Variants in EXPH5 observed in about 807,000 individuals in gnomAD.
EXPH5 encodes exophilin 5.
EXPH5 carries 42 observed loss-of-function variants against 41.1 expected under a neutral mutation model. The observed-to-expected ratio is 1.02, with a 90% CI of 0.80 to 1.32. EXPH5 has a LOEUF of 1.32. EXPH5 is among the 40% of genes most tolerant of loss of function. EXPH5 has a pLI of 0.00. For synonymous variants in EXPH5, 798 were observed against 833.5 expected (o/e 0.96, Z 0.73); for missense variants, 2,298 against 2,314.5 (o/e 0.99, Z 0.15).
chr11:108,598,020 TAAAC>T (rs1215084217), upstream of EXPH5, among the ~76,000 whole-genome samples: 3 of 152,110 alleles, frequency 2.0e-5, no homozygotes, highest in Non-Finnish European at 4.4e-5. Context: ...AATAAATAAA[TAAAC>T]AAATCAACAT....
At chr11:108,539,563 A>C (rs554163981) in intron 2 of EXPH5, among the ~76,000 whole-genome samples, 1 of 152,232 alleles carries the variant, frequency 6.6e-6, no homozygotes, top group South Asian at 2.1e-4. Context: ...TGATAGATAC[A>C]TACTACATAA....
rs145390721 is a variant in EXPH5 at position 108,509,638 on chromosome 11, T to A, written c.5869A>T (p.Asn1957Tyr). The A allele has an allele frequency of 3.1e-6, 5 of 1,613,646 alleles. No homozygotes were observed. In the African/African-American group the frequency reaches 6.7e-5, roughly 22 times the overall value. ...TCCACTGGGTCATCCTCATAGATAT[T>A]AAGCGGTTCACTTGGAGATAAGCCA... ...EDGLSPSEPL[N>Y]IYEDDPVDSD... Residue 1957 changes from asparagine (N) to tyrosine (Y), a missense_variant, in exon 6 of 6, where the codon AAT becomes TAT. Transcript: ENST00000265843.
Position 108,510,330 on chromosome 11 carries a change from A to G in EXPH5, c.5177T>C (p.Val1726Ala). 6.2e-7 allele frequency: 1 copy of G among 1,614,152 alleles called. No homozygotes were observed. Among genetic ancestry groups the G allele is most frequent in the East Asian group, 2.2e-5 (1 of 44,880 alleles). ...SKDVTAAQNL[V>A]RESGAPSPIT... ...GGGTGATGGGGCTCCTGATTCTCTTACTAAATTCTGAGCTGCTGTGACGTC... is the reference window on the plus strand; with the variant it reads ...GGGTGATGGGGCTCCTGATTCTCTTGCTAAATTCTGAGCTGCTGTGACGTC... Residue 1726 changes from valine to alanine, a missense_variant, in exon 6 of 6, where the codon GTA becomes GCA. By Grantham distance (64) the Val-to-Ala change is moderately conservative (BLOSUM62 0). Coordinates refer to ENST00000265843, the MANE Select transcript of EXPH5 (RefSeq NM_015065.3).
intron 3 of EXPH5, among the ~76,000 whole-genome samples, chr11:108,530,562 C>A (rs918992996): frequency 6.6e-6 from 1 of 152,174 alleles, no homozygotes; most frequent in Non-Finnish European, 1.5e-5. Context: ...GCAAGTAATC[C>A]AATATGCCTG....
In EXPH5 at chr11:108,512,275, C is replaced by T; in HGVS notation, c.3232G>A (p.Ala1078Thr). The T allele has an allele frequency of 6.2e-7, 1 of 1,613,152 alleles. No individual in the cohort carries two copies. Among genetic ancestry groups the T allele is most frequent in the Non-Finnish European group, 8.5e-7 (1 of 1,179,770 alleles). The change falls in exon 6 of 6, where the codon GCG becomes ACG. Residue 1078 changes from alanine (A) to threonine (T), a missense_variant. Physicochemically the swap from Ala to Thr is moderately conservative, Grantham distance 58. Coordinates refer to ENST00000265843, the MANE Select transcript of EXPH5 (RefSeq NM_015065.3). ...GAAAGGACTTTGGAACATTCATTCG[C>T]TGACTCAGGAGAACTGGGACTAAAT... ...NKFSPSSPESANECSKVLSDS... is the reference protein window; with the variant it reads ...NKFSPSSPESTNECSKVLSDS...
chr11:108,509,551 C>A lies in EXPH5; in HGVS notation c.5956G>T (p.Glu1986Ter). ...TTGAAAAAGCCTCACAGTTCTGACT[C>A]TTTGTCATTTTCATCCAGGTAGTAT... Reference protein sequence around the residue: ...DEYYLDENDKESEL With the variant: ...DEYYLDENDK Residue 1986 changes from glutamate to a stop codon, truncating the protein, a stop_gained, in exon 6 of 6, where the codon GAG becomes TAG. Transcript: ENST00000265843. LOFTEE classifies it high-confidence loss of function. 1 of 1,555,244 alleles carries A rather than the reference C, an allele frequency of 6.4e-7. No homozygotes were observed.
chr11:108,594,040 G>C (rs1419361035), upstream of EXPH5, among the ~76,000 whole-genome samples: 2 of 152,136 alleles, frequency 1.3e-5, no homozygotes, highest in African/African-American at 2.4e-5. Flanking sequence ...GTAAAGGAGT[G>C]AAAAAGGAGA....
At chr11:108,587,839 A>C (rs1171353551) in intron 1 of EXPH5, among the ~76,000 whole-genome samples, 1 of 151,972 alleles carries the variant, frequency 6.6e-6, no homozygotes, top group East Asian at 1.9e-4. Flanking sequence ...TGCAACCTCC[A>C]CCTCCTGGGT....
chr11:108,570,511 T>C (rs1465476217), intron 1 of EXPH5, among the ~76,000 whole-genome samples: 1 of 152,150 alleles, frequency 6.6e-6, no homozygotes, highest in Non-Finnish European at 1.5e-5. Flanking sequence ...TGCCTCAGCC[T>C]CCTAAAGTGC....
intron 4 of EXPH5, among the ~76,000 whole-genome samples, chr11:108,519,356 CT>C (rs1378159744): frequency 1.3e-5 from 2 of 152,142 alleles, no homozygotes; most frequent in Admixed American, 6.6e-5. Flanking sequence ...GTTTGGAGTG[CT>C]GTCTCCATGG....
rs921238817 is a variant in EXPH5 at position 108,505,886 on chromosome 11, T to A, written c.*3651A>T. 6.6e-6 allele frequency: 1 copy of A among 152,218 alleles called. No homozygotes were observed. Among genetic ancestry groups the A allele is most frequent in the Admixed American group, 6.5e-5 (1 of 15,284 alleles). 9.4% of individuals were successfully genotyped at this position (152,218 alleles called of 1,614,324 possible). On this transcript the variant is annotated 3_prime_UTR_variant, in exon 6 of 6. Transcript: ENST00000265843. ...TACCTCCTACACAAAGTAGCTGTTA[T>A]TAGCTTATCACCAACCAAACCTTTG...
At chr11:108,549,143 C>T (rs1310160151) in intron 1 of EXPH5, among the ~76,000 whole-genome samples, 1 of 152,244 alleles carries the variant, frequency 6.6e-6, no homozygotes, top group African/African-American at 2.4e-5. Context: ...AGCTTGCTTG[C>T]TTAATTAGTC....
At chr11:108,532,363 T>TAC in intron 3 of EXPH5, among the ~76,000 whole-genome samples, 1 of 22,390 alleles carries the variant, frequency 4.5e-5, no homozygotes, top group African/African-American at 2.7e-4. Flanking sequence ...TATATATATA[T>TAC]ATATTTTTTT....
chr11:108,569,008 A>T (rs1011619922), intron 1 of EXPH5, among the ~76,000 whole-genome samples: 1 of 151,840 alleles, frequency 6.6e-6, no homozygotes, highest in African/African-American at 2.4e-5. Flanking sequence ...GGCTCAGCAC[A>T]CAGGTCCACG....
At position 108,558,618 on chromosome 11, in the gene EXPH5, G is replaced by A. The variant is rs529741989; in HGVS notation, c.120-16806C>T. Among the ~76,000 whole-genome samples the A allele has an allele frequency of 9.2e-5, 14 of 152,174 alleles. No homozygotes were observed. The East Asian group carries it at 2.7e-3, about 29-fold the overall frequency. ...TTTGAACTTTCTGTTGCTCCTGTCT[G>A]GATCCATTACATGATTAAAATGAAA... On this transcript the variant is annotated intron_variant, in intron 1 of 5. Coordinates refer to ENST00000265843, the MANE Select transcript of EXPH5 (RefSeq NM_015065.3).
chr11:108,545,284 T>G (rs1455762650), intron 1 of EXPH5, among the ~76,000 whole-genome samples: 1 of 152,086 alleles, frequency 6.6e-6, no homozygotes, highest in Non-Finnish European at 1.5e-5. Flanking sequence ...CGTGGTTGCT[T>G]GCACCTGTGG....
chr11:108,526,351 G>A (rs2093799003), intron 4 of EXPH5, among the ~76,000 whole-genome samples: 1 of 152,166 alleles, frequency 6.6e-6, no homozygotes, highest in African/African-American at 2.4e-5. Flanking sequence ...GTGCAAGTGG[G>A]AATCAGGACT....
In EXPH5 at chr11:108,514,781, G is replaced by A. The variant is rs116742815; in HGVS notation, c.726C>T (p.Phe242=). The stretch of plus-strand genomic sequence containing the variant: ...TGTTACCACTGGAATAAAAGTGACC[G>A]AACTGTGTTCTTGATCCATAGTTGA... ...TPLNYGSRTQ[F]GHFYSSGNRH... The change falls in exon 6 of 6, where the codon TTC becomes TTT. Residue 242 remains phenylalanine, a synonymous_variant. Transcript: ENST00000265843. The A allele has an allele frequency of 3.7e-6, 6 of 1,608,670 alleles. No individual in the cohort carries two copies. Among genetic ancestry groups the A allele is most frequent in the South Asian group, 2.2e-5 (2 of 89,688 alleles).
At chr11:108,587,554 C>T (rs2094116916) in intron 1 of EXPH5, among the ~76,000 whole-genome samples, 1 of 152,158 alleles carries the variant, frequency 6.6e-6, no homozygotes, top group Non-Finnish European at 1.5e-5. Context: ...CTTACCTGTG[C>T]ACACATTAAC....
Sources: allele counts gnomAD v4.1 joint callset (sites outside exome capture counted in the v4.1 genomes callset), GRCh38; gene constraint gnomAD v4.1.1; transcripts MANE v1.5; gene names NCBI Gene and HGNC (gene_info 2026-07-23, HGNC 2026-07-21).